SPEF2: variants seen among roughly 807,000 people sequenced by gnomAD.
SPEF2 encodes sperm flagellar and cilia associated 2, also known as sperm flagella and cilia-associated protein 2.
Under a neutral mutation model 224.6 loss-of-function variants are expected in SPEF2, and 187 were observed. That is an observed-to-expected ratio of 0.83 (90% confidence interval 0.74 to 0.94). The LOEUF is 0.94. Among genes scored for constraint, SPEF2 ranks in the 40% least tolerant of loss-of-function variants. The pLI is 0.00. For synonymous variants in SPEF2, 715 were observed against 707.3 expected, an observed-to-expected ratio of 1.01 and a Z score of -0.17; for missense variants, 2,170 against 2,135.6, an observed-to-expected ratio of 1.02 and a Z score of -0.32.
At chr5:35,756,650 T>A (rs1161035417) in intron 24 of SPEF2, among the ~76,000 whole-genome samples, 1 of 152,146 alleles carries the variant, frequency 6.6e-6, no homozygotes, top group Non-Finnish European at 1.5e-5. Flanking sequence ...TCTGTGGTGT[T>A]GGGTAACAAC....
chr5:35,760,638 A>C (rs1032636594), intron 25 of SPEF2, among the ~76,000 whole-genome samples: 1 of 152,158 alleles, frequency 6.6e-6, no homozygotes, highest in African/African-American at 2.4e-5. Context: ...ATTTTCAGCC[A>C]AGCAAATCCT....
intron 19 of SPEF2, chr5:35,709,347 C>T: frequency 1.5e-6 from 2 of 1,350,940 alleles, no homozygotes; most frequent in South Asian, 1.7e-5. Context: ...AGTCATCACA[C>T]CTAGGTCTAC....
intron 28 of SPEF2, 96 bp from the exon 29 acceptor site, chr5:35,776,161 C>A: frequency 7.8e-7 from 1 of 1,276,918 alleles, no homozygotes. Context: ...TAAAGCTTCA[C>A]AAATTGAAGC....
At chr5:35,809,004 C>G (rs1036805655) in intron 36 of SPEF2, among the ~76,000 whole-genome samples, 3 of 151,898 alleles carry the variant, frequency 2.0e-5, no homozygotes, top group African/African-American at 7.3e-5. Flanking sequence ...GACTGAATCT[C>G]AGGTCTACCC....
chr5:35,704,727 T>C (rs754233512), intron 17 of SPEF2, 65 bp downstream of exon 17: 5 of 946,006 alleles, frequency 5.3e-6, no homozygotes, highest in Non-Finnish European at 8.5e-6. Context: ...ACAACAACTT[T>C]GGAATCATCA....
intron 2 of SPEF2, among the ~76,000 whole-genome samples, chr5:35,632,155 C>T (rs955389731): frequency 4.6e-5 from 7 of 152,134 alleles, no homozygotes; most frequent in Non-Finnish European, 1.0e-4. Context: ...TATAGTAGTA[C>T]CCCACTCTGT....
chr5:35,803,386 TA>T (rs1757694649), intron 34 of SPEF2, among the ~76,000 whole-genome samples: 1 of 152,190 alleles, frequency 6.6e-6, no homozygotes. Flanking sequence ...CTAGTGTTCC[TA>T]CCCGGGAAGC....
chr5:35,792,373 TGATC>T lies in SPEF2; in HGVS notation c.4485_4488del (p.Asp1496TrpfsTer2). 1 of 1,613,858 alleles carries T rather than the reference TGATC, an allele frequency of 6.2e-7. No individual in the cohort carries two copies. The highest frequency in any genetic ancestry group is 8.5e-7 in the Non-Finnish European group (1 of 1,179,820). On this transcript the variant is annotated frameshift_variant, in exon 31 of 37. Coordinates refer to ENST00000356031, the MANE Select transcript of SPEF2 (RefSeq NM_024867.4). LOFTEE classifies it high-confidence loss of function. ...GGAAATAAAGCATTTACTGACATTC[TGATC>T]GATTTGGTGACCCTGAACCTTGGCA... is the stretch of plus-strand genomic sequence containing the variant.
At chr5:35,771,160 T>TAA (rs199671316) in intron 26 of SPEF2, among the ~76,000 whole-genome samples, 3,854 of 145,158 alleles carry the variant, frequency 0.027, 170 homozygotes, top group African/African-American at 0.092. Context: ...AATAAAAAAA[T>TAA]AAAAAAAAAA....
intron 21 of SPEF2, among the ~76,000 whole-genome samples, chr5:35,730,492 G>A (rs970083393): frequency 6.6e-6 from 1 of 152,234 alleles, no homozygotes; most frequent in Non-Finnish European, 1.5e-5. Flanking sequence ...TTGGAAACCT[G>A]TCCTCCTTCA....
chr5:35,675,507 G>T (rs1435987000), intron 10 of SPEF2: 3 of 155,498 alleles, frequency 1.9e-5, no homozygotes, highest in African/African-American at 7.4e-5. Context: ...AAGCCTCATT[G>T]TATCTTGGTT....
At chr5:35,729,031 C>G (rs1745160289) in intron 21 of SPEF2, among the ~76,000 whole-genome samples, 1 of 151,912 alleles carries the variant, frequency 6.6e-6, no homozygotes, top group Non-Finnish European at 1.5e-5. Context: ...ACTTGAAGCC[C>G]TTGTAAGAAA....
At chr5:35,655,185 G>A (rs565992116) in intron 7 of SPEF2, among the ~76,000 whole-genome samples, 1 of 152,274 alleles carries the variant, frequency 6.6e-6, no homozygotes, top group South Asian at 2.1e-4. Context: ...AACAGCACCA[G>A]CATTGCTTGG....
chr5:35,618,712 A>G (rs1268708490), intron 1 of SPEF2, among the ~76,000 whole-genome samples: 1 of 152,174 alleles, frequency 6.6e-6, no homozygotes, highest in Non-Finnish European at 1.5e-5. Flanking sequence ...GCTCTTGCCC[A>G]AAGCTGACCT....
At position 35,757,008 on chromosome 5, in the gene SPEF2, C is replaced by A. The variant is rs1285650866; in HGVS notation, c.3469-2560C>A. Among the ~76,000 whole-genome samples, 6 of 135,272 alleles carry A rather than the reference C, an allele frequency of 4.4e-5. No individual in the cohort carries two copies. The East Asian group carries it at 9.6e-4, about 22-fold the overall frequency. 88.7% of individuals were successfully genotyped at this position (135,272 alleles called of 152,430 possible). A position where few individuals can be genotyped will look rare whatever the true frequency, so the allele number is the denominator to read the frequency against. ...CTATGCTAGATGATTTTCTAAAATT[C>A]TTTTTAAATCTAAGATTCTGTCTCA... is the stretch of plus-strand genomic sequence containing the variant. On this transcript the variant is annotated intron_variant, in intron 24 of 36. Coordinates refer to ENST00000356031, the MANE Select transcript of SPEF2 (RefSeq NM_024867.4).
intron 21 of SPEF2, among the ~76,000 whole-genome samples, chr5:35,735,940 A>G (rs1477316705): frequency 1.3e-5 from 2 of 152,238 alleles, no homozygotes; most frequent in Non-Finnish European, 2.9e-5. Context: ...TGATGATTCA[A>G]TTTATTCATT....
At chr5:35,789,407 A>G (rs1182588539) in intron 30 of SPEF2, 1 of 697,872 alleles carries the variant, frequency 1.4e-6, no homozygotes, top group Admixed American at 2.0e-5. Flanking sequence ...AGGTCTGTCA[A>G]ACTAGACAGT....
intron 29 of SPEF2, among the ~76,000 whole-genome samples, chr5:35,776,864 G>A (rs1753676396): frequency 6.6e-6 from 1 of 152,110 alleles, no homozygotes; most frequent in African/African-American, 2.4e-5. Context: ...CTTTTCTGTT[G>A]AGTTCCAAAG....
intron 10 of SPEF2, among the ~76,000 whole-genome samples, chr5:35,688,022 T>C (rs1335581550): frequency 6.6e-6 from 1 of 152,166 alleles, no homozygotes; most frequent in Non-Finnish European, 1.5e-5. Context: ...ACTCAAAATA[T>C]GGTGGGTGGT....
Sources: gnomAD v4.1 joint callset for allele counts (sites outside exome capture counted in the v4.1 genomes callset) on GRCh38, gnomAD v4.1.1 for gene constraint, MANE v1.5 for transcripts, NCBI Gene and HGNC (gene_info 2026-07-23, HGNC 2026-07-21) for gene names.